Variants in NT5DC1 observed in about 807,000 individuals in gnomAD.
NT5DC1 encodes 5'-nucleotidase domain containing 1.
NT5DC1 carries 42 observed loss-of-function variants against 59.4 expected under a neutral mutation model. That is an observed-to-expected ratio of 0.71 (90% CI 0.55 to 0.92). NT5DC1 has a LOEUF of 0.92. NT5DC1 is among the 40% of genes least tolerant of loss of function. The pLI, the probability that NT5DC1 is intolerant of heterozygous loss-of-function variation, is 0.00. For synonymous variants in NT5DC1, 172 were observed against 188.1 expected (o/e 0.91, Z 0.70); for missense variants, 501 against 537.1 (o/e 0.93, Z 0.66).
At position 116,213,378 on chromosome 6, in the gene NT5DC1, A is replaced by G. The variant is rs556861420; in HGVS notation, c.530-7676A>G. ...ACCTATTCCTCACAGCATCTCAGGTAGCCTCAGATTGGTTGCACATCTTAC... is the reference window on the plus strand; with the variant it reads ...ACCTATTCCTCACAGCATCTCAGGTGGCCTCAGATTGGTTGCACATCTTAC... On this transcript the variant is annotated intron_variant, in intron 6 of 11. Transcript: ENST00000319550. Among the ~76,000 whole-genome samples the G allele has an allele frequency of 9.9e-5, 15 of 152,196 alleles. No homozygotes were observed. The South Asian group carries it at 2.9e-3, about 29-fold the overall frequency.
intron 6 of NT5DC1, among the ~76,000 whole-genome samples, chr6:116,211,358 G>T (rs1245643690): frequency 1.3e-5 from 2 of 151,990 alleles, no homozygotes; most frequent in Non-Finnish European, 2.9e-5. Context: ...AAGCCATCAT[G>T]TTTGAGGTGG....
At chr6:116,230,230 ATC>A (rs1171477955) in intron 8 of NT5DC1, among the ~76,000 whole-genome samples, 1 of 152,104 alleles carries the variant, frequency 6.6e-6, no homozygotes, top group East Asian at 1.9e-4. Context: ...AATTTCCCAC[ATC>A]TTTTTTTATT....
At chr6:116,210,610 C>T (rs975626843) in intron 6 of NT5DC1, among the ~76,000 whole-genome samples, 3 of 151,788 alleles carry the variant, frequency 2.0e-5, no homozygotes, top group African/African-American at 7.3e-5. Flanking sequence ...GGATTAAATC[C>T]ATTAATAGTT....
chr6:116,135,835 A>ATATG (rs1491113306), intron 6 of NT5DC1, among the ~76,000 whole-genome samples: 2 of 13,110 alleles, frequency 1.5e-4, no homozygotes, highest in East Asian at 0.017. Flanking sequence ...ATATTTTCAG[A>ATATG]TATATATATA....
rs778701685 is a variant in NT5DC1, at chr6:116,120,816, C to T, written c.529+2871C>T. The T allele has an allele frequency of 8.7e-6, 14 of 1,612,736 alleles. No individual in the cohort carries two copies. Among genetic ancestry groups the T allele is most frequent in the Non-Finnish European group, 1.2e-5 (14 of 1,179,794 alleles). On this transcript the variant is annotated intron_variant, in intron 6 of 11. Coordinates refer to ENST00000319550, the MANE Select transcript of NT5DC1 (RefSeq NM_152729.3). ...CTTGGGCCAGCCTCTCCATTGTGTC[C>T]GGGCATTCCCTTTGCTCCTGCTGGG...
At chr6:116,182,222 A>AGAGAGAGAGAGAGTGTGTGT (rs148509481) in intron 6 of NT5DC1, among the ~76,000 whole-genome samples, 1 of 124,606 alleles carries the variant, frequency 8.0e-6, no homozygotes, top group South Asian at 2.8e-4. Flanking sequence ...TTCCATGGAG[A>AGAGAGAGAGAGAGTGTGTGT]GTGTGTGTGT....
chr6:116,104,115 G>T (rs1778717935), intron 1 of NT5DC1, among the ~76,000 whole-genome samples: 1 of 152,142 alleles, frequency 6.6e-6, no homozygotes, highest in South Asian at 2.1e-4. Flanking sequence ...AGAGCCCTGT[G>T]CCATGAAGGC....
chr6:116,106,418 T>C, intron 2 of NT5DC1, 83 bp downstream of exon 2: 1 of 687,138 alleles, frequency 1.5e-6, no homozygotes, highest in Non-Finnish European at 2.6e-6. Flanking sequence ...TAATGCTTTC[T>C]CTTCTAAGAA....
chr6:116,226,228 A>G (rs913814818), intron 8 of NT5DC1, among the ~76,000 whole-genome samples: 3 of 152,194 alleles, frequency 2.0e-5, no homozygotes, highest in Non-Finnish European at 2.9e-5. Context: ...ATTTAAATAT[A>G]TAAGTAAGTA....
At position 116,139,256 on chromosome 6, in the gene NT5DC1, A is replaced by G. The variant is rs191853148; in HGVS notation, c.529+21311A>G. On this transcript the variant is annotated intron_variant, in intron 6 of 11. Coordinates refer to ENST00000319550, the MANE Select transcript of NT5DC1 (RefSeq NM_152729.3). ...TTGGGGGAAAGAAGTCTCTCAGTCT[A>G]CTAGTAACAATTTGTGGGTAATTAA... Among the ~76,000 whole-genome samples, 397 of 152,280 alleles carry G rather than the reference A, an allele frequency of 2.6e-3. 10 individuals are homozygous for G. The South Asian group carries it at 0.043, about 17-fold the overall frequency.
At chr6:116,214,132 C>G (rs548660528) in intron 6 of NT5DC1, among the ~76,000 whole-genome samples, 8 of 152,120 alleles carry the variant, frequency 5.3e-5, no homozygotes, top group Admixed American at 2.6e-4. Context: ...AAACCACTTA[C>G]AAACTTAGGA....
chr6:116,175,922 C>G (rs745621133), intron 6 of NT5DC1, among the ~76,000 whole-genome samples: 4 of 151,942 alleles, frequency 2.6e-5, no homozygotes, highest in Non-Finnish European at 4.4e-5. Flanking sequence ...TATTGATTAA[C>G]TTGTCTTTTA....
chr6:116,177,889 A>G (rs907724105), intron 6 of NT5DC1, among the ~76,000 whole-genome samples: 2 of 152,164 alleles, frequency 1.3e-5, no homozygotes, highest in Non-Finnish European at 2.9e-5. Context: ...AAGGAAATGG[A>G]CTTTTTGCTG....
At chr6:116,171,161 A>C (rs1780596473) in intron 6 of NT5DC1, among the ~76,000 whole-genome samples, 1 of 152,152 alleles carries the variant, frequency 6.6e-6, no homozygotes, top group South Asian at 2.1e-4. Flanking sequence ...ATAAATGAAT[A>C]TATGTAAGGT....
chr6:116,218,640 T>A (rs1341148151), intron 6 of NT5DC1, among the ~76,000 whole-genome samples: 2 of 152,144 alleles, frequency 1.3e-5, no homozygotes, highest in Non-Finnish European at 2.9e-5. Context: ...GAGAATATAT[T>A]TTAATTTTTT....
At chr6:116,138,476 A>G (rs1200296568) in intron 6 of NT5DC1, among the ~76,000 whole-genome samples, 2 of 152,230 alleles carry the variant, frequency 1.3e-5, no homozygotes, top group African/African-American at 2.4e-5. Context: ...ATTCTTTACA[A>G]TTGAAAGAGC....
chr6:116,187,948 TATA>T (rs1160607097), intron 6 of NT5DC1, among the ~76,000 whole-genome samples: 2 of 152,080 alleles, frequency 1.3e-5, no homozygotes, highest in Admixed American at 1.3e-4. Context: ...TTGGAATACA[TATA>T]ATGATAAAAA....
intron 6 of NT5DC1, among the ~76,000 whole-genome samples, chr6:116,159,986 A>G (rs1562144209): frequency 6.6e-6 from 1 of 152,198 alleles, no homozygotes; most frequent in South Asian, 2.1e-4. Flanking sequence ...CAGTGTATAC[A>G]TACCACATTT....
At chr6:116,182,841 C>G (rs1780918585) in intron 6 of NT5DC1, among the ~76,000 whole-genome samples, 1 of 151,930 alleles carries the variant, frequency 6.6e-6, no homozygotes. Context: ...TGTGGGTTGT[C>G]TGTTTACTCT....
Sources: allele counts gnomAD v4.1 joint callset (sites outside exome capture counted in the v4.1 genomes callset), GRCh38; gene constraint gnomAD v4.1.1; transcripts MANE v1.5; gene names NCBI Gene and HGNC (gene_info 2026-07-23, HGNC 2026-07-21).